The following NR1I2 variants were observed in gnomAD, a reference collection of about 807,000 sequenced individuals.
NR1I2 encodes orphan nuclear receptor PAR1.
In NR1I2, 42 loss-of-function variants were observed where a neutral mutation model predicts 43.3. That is an observed-to-expected ratio of 0.97 (90% CI 0.76 to 1.26). The LOEUF (loss-of-function observed/expected upper bound fraction) is 1.26, where lower values mean the gene tolerates loss of function less well. Ranked by LOEUF, NR1I2 falls within the 50% of genes most tolerant of loss-of-function variation. The probability of loss-of-function intolerance (pLI) is 0.00; values close to 1 mark genes in which losing one functional copy is unlikely to be tolerated. For missense variants in NR1I2, 559 were observed against 566.7 expected (o/e 0.99, Z 0.14); for synonymous variants, 229 against 215.0 (o/e 1.06, Z -0.57).
chr3:119,782,650 C>G, intron 1 of NR1I2: 1 of 807,478 alleles, frequency 1.2e-6, no homozygotes, highest in East Asian at 2.6e-5. Context: ...ATACCACCTC[C>G]AAGGACTGTG....
At chr3:119,792,504 T>TGG (rs1349018284) in intron 1 of NR1I2, 1 of 1,080,822 alleles carries the variant, frequency 9.3e-7, no homozygotes, top group Non-Finnish European at 1.4e-6. Context: ...TCTTGGAACA[T>TGG]CACCAATCTG....
At position 119,807,294 on chromosome 3, in the gene NR1I2, TAC is replaced by T. The variant is rs1279204972; in HGVS notation, c.47_48del (p.His16LeufsTer2). On this transcript the variant is annotated frameshift_variant, in exon 2 of 9. Transcript: ENST00000393716. LOFTEE classifies it high-confidence loss of function. ...GAAAGCTGGAACCATGCTGACTTTGTACACTGTGAGGACACAGAGTCTGTTCC... is the reference window on the plus strand; with the variant it reads ...GAAAGCTGGAACCATGCTGACTTTGTACTGTGAGGACACAGAGTCTGTTCC... The T allele has an allele frequency of 6.2e-7, 1 of 1,614,116 alleles. No homozygotes were observed. Among genetic ancestry groups the T allele is most frequent in the Non-Finnish European group, 8.5e-7 (1 of 1,180,054 alleles).
chr3:119,817,539 C>T lies in NR1I2; in HGVS notation c.*327C>T, dbSNP rs1484190020. 4 of 1,223,182 alleles carry T rather than the reference C, an allele frequency of 3.3e-6. No individual in the cohort carries two copies. In the East Asian group the frequency reaches 2.0e-4, roughly 60 times the overall value. 75.8% of individuals were successfully genotyped at this position (1,223,182 alleles called of 1,614,324 possible). A position where few individuals can be genotyped will look rare whatever the true frequency, so the allele number is the denominator to read the frequency against. Reference sequence around the variant, plus strand: ...GTCTGGGGAGAAATCCCTCAGATCCCACTAAAGTGTCAAGGTGTGGAAGGG... The same window carrying T: ...GTCTGGGGAGAAATCCCTCAGATCCTACTAAAGTGTCAAGGTGTGGAAGGG... On this transcript the variant is annotated 3_prime_UTR_variant, in exon 9 of 9. Transcript: ENST00000393716.
Position 119,817,214 on chromosome 3 carries a change from CG to C in NR1I2, c.*4del. ...TTGTTCGGCATCACAGGTAGCTGAG[CG>C]GCTGCCCTTGGGTGACACCTCCGAG... is the stretch of plus-strand genomic sequence containing the variant. On this transcript the variant is annotated 3_prime_UTR_variant, in exon 9 of 9. Coordinates refer to ENST00000393716, the MANE Select transcript of NR1I2 (RefSeq NM_003889.4). The C allele has an allele frequency of 3.1e-6, 5 of 1,613,800 alleles. No individual in the cohort carries two copies. Among genetic ancestry groups the C allele is most frequent in the Non-Finnish European group, 4.2e-6 (5 of 1,180,004 alleles).
rs549844888 is a variant in NR1I2 at position 119,798,602 on chromosome 3, T to C, written c.-22-8627T>C. 4.2e-4 allele frequency among the ~76,000 whole-genome samples: 59 copies of C among 140,068 alleles called. 1 individual carries two copies. The highest frequency in any genetic ancestry group is 1.6e-3 in the African/African-American group (59 of 36,196). The allele number at this position is 140,068 out of a possible 152,430, so 91.9% of individuals were successfully genotyped here. A position where few individuals can be genotyped will look rare whatever the true frequency, so the allele number is the denominator to read the frequency against. On this transcript the variant is annotated intron_variant, in intron 1 of 8. Transcript: ENST00000393716. ...TTGCAGTGAGCCAAGATCGCGCCAC[T>C]GCACTCCAGCCTGGGCGACAAAGAG...
At chr3:119,788,190 T>C (rs997947099) in intron 1 of NR1I2, among the ~76,000 whole-genome samples, 42 of 152,224 alleles carry the variant, frequency 2.8e-4, no homozygotes, top group Non-Finnish European at 5.9e-5. Flanking sequence ...CATGGCTCAC[T>C]GCAGTCTCGA....
intron 2 of NR1I2, 31 bp downstream of exon 2, chr3:119,807,478 G>A: frequency 1.3e-6 from 2 of 1,588,312 alleles, no homozygotes; most frequent in South Asian, 1.1e-5. Flanking sequence ...TCACCCACGT[G>A]CCACCACTGA....
chr3:119,788,723 G>A (rs7642839), intron 1 of NR1I2, among the ~76,000 whole-genome samples: 84,208 of 152,092 alleles, frequency 0.55, 24,374 homozygotes, highest in East Asian at 0.77. Context: ...CAGGTGTGAG[G>A]CACTGTGCCC....
At chr3:119,805,806 A>G (rs2055151675) in intron 1 of NR1I2, among the ~76,000 whole-genome samples, 1 of 151,302 alleles carries the variant, frequency 6.6e-6, no homozygotes, top group South Asian at 2.1e-4. Context: ...TAAATCTTAA[A>G]TCAACTTTTT....
intron 1 of NR1I2, among the ~76,000 whole-genome samples, chr3:119,794,101 C>T (rs1416760200): frequency 6.6e-6 from 1 of 152,174 alleles, no homozygotes; most frequent in Non-Finnish European, 1.5e-5. Context: ...CCTTGAATTC[C>T]TGGGCTCAGG....
At chr3:119,801,098 C>T (rs1157738855) in intron 1 of NR1I2, among the ~76,000 whole-genome samples, 6 of 152,120 alleles carry the variant, frequency 3.9e-5, no homozygotes, top group Admixed American at 1.3e-4. Context: ...CCTGACAGTG[C>T]CTTCAGCAAA....
At chr3:119,810,525 T>G (rs940170478) in intron 3 of NR1I2, 1 of 335,904 alleles carries the variant, frequency 3.0e-6, no homozygotes, top group Non-Finnish European at 5.6e-6. Flanking sequence ...GAAACCACAT[T>G]TGCGGGTAGG....
intron 1 of NR1I2, chr3:119,792,095 G>A (rs1332038405): frequency 2.8e-5 from 21 of 758,590 alleles, no homozygotes; most frequent in Non-Finnish European, 3.9e-5. Context: ...ATATCATTCC[G>A]TGCATCCTCT....
intron 1 of NR1I2, among the ~76,000 whole-genome samples, chr3:119,796,028 AC>A (rs1477303320): frequency 6.6e-6 from 1 of 151,886 alleles, no homozygotes; most frequent in Non-Finnish European, 1.5e-5. Flanking sequence ...CTAGTGGATC[AC>A]CTCCCTGCCT....
chr3:119,786,355 A>C (rs539053370), intron 1 of NR1I2, among the ~76,000 whole-genome samples: 1 of 152,052 alleles, frequency 6.6e-6, no homozygotes, highest in African/African-American at 2.4e-5. Context: ...AGGTGGCACA[A>C]TTTGAAGGGG....
intron 1 of NR1I2, among the ~76,000 whole-genome samples, chr3:119,787,828 T>C (rs566756156): frequency 5.9e-5 from 9 of 152,156 alleles, no homozygotes; most frequent in Non-Finnish European, 1.0e-4. Flanking sequence ...TATGTATATG[T>C]ATGTATACAC....
intron 1 of NR1I2, chr3:119,782,648 T>A: frequency 1.3e-6 from 1 of 794,206 alleles, no homozygotes; most frequent in Non-Finnish European, 2.2e-6. Context: ...AAATACCACC[T>A]CCAAGGACTG....
At chr3:119,797,278 A>T (rs542898509) in intron 1 of NR1I2, among the ~76,000 whole-genome samples, 190 of 151,000 alleles carry the variant, frequency 1.3e-3, no homozygotes, top group South Asian at 3.6e-3. Context: ...AACACAGGGG[A>T]TCTTATACTG....
chr3:119,817,430 G>C lies in NR1I2; in HGVS notation c.*218G>C. 3.5e-6 allele frequency: 5 copies of C among 1,423,674 alleles called. No homozygotes were observed. The highest frequency in any genetic ancestry group is 4.6e-6 in the Non-Finnish European group (5 of 1,087,108). The allele number at this position is 1,423,674 out of a possible 1,614,324, so 88.2% of individuals were successfully genotyped here. On this transcript the variant is annotated 3_prime_UTR_variant, in exon 9 of 9. Transcript: ENST00000393716. ...TCAGTCTGTAGGGAGTGAAGCCACA[G>C]ACTCTTACGTGGAGAGTGCACTGAC...
Sources: gnomAD v4.1 joint callset for allele counts (sites outside exome capture counted in the v4.1 genomes callset) on GRCh38, gnomAD v4.1.1 for gene constraint, MANE v1.5 for transcripts, NCBI Gene and HGNC (gene_info 2026-07-23, HGNC 2026-07-21) for gene names.